Variants in LRBA observed in about 807,000 individuals in gnomAD.
LRBA encodes the protein LPS responsive beige-like anchor protein, also known as lipopolysaccharide-responsive and beige-like anchor protein.
A neutral mutation model predicts 330.0 loss-of-function variants in LRBA; 176 were observed. That is an observed-to-expected ratio of 0.53 (90% CI 0.47 to 0.60). The LOEUF is 0.60. Among genes scored for constraint, LRBA ranks in the 20% least tolerant of loss-of-function variants. The pLI is 0.00. For synonymous variants in LRBA, 1,230 were observed against 1,193.0 expected, an observed-to-expected ratio of 1.03 and a Z score of -0.64; for missense variants, 3,259 against 3,444.8, an observed-to-expected ratio of 0.95 and a Z score of 1.35.
intron 8 of LRBA, among the ~76,000 whole-genome samples, chr4:150,915,296 T>A (rs1732466897): frequency 6.6e-6 from 1 of 152,126 alleles, no homozygotes; most frequent in Non-Finnish European, 1.5e-5. Flanking sequence ...ATTTAACTCA[T>A]TCAGAAAAAT....
chr4:150,559,199 C>T (rs1481262060), intron 40 of LRBA, among the ~76,000 whole-genome samples: 1 of 152,044 alleles, frequency 6.6e-6, no homozygotes, highest in African/African-American at 2.4e-5. Context: ...ACAAAGATAG[C>T]CTGAAGAATT....
intron 35 of LRBA, among the ~76,000 whole-genome samples, chr4:150,740,221 T>G (rs537672321): frequency 7.4e-4 from 112 of 151,982 alleles, no homozygotes; most frequent in Middle Eastern, 6.8e-3. Flanking sequence ...TAGAGGGAAA[T>G]TGATACACTG....
At position 150,580,956 on chromosome 4, in the gene LRBA, C is replaced by A. The variant is rs1177765039; in HGVS notation, c.6330+7092G>T. ...ATAAAATCATTTTACAAATGAAACT[C>A]TGTACCTGTACCCCCTAAGAATACA... is the stretch of plus-strand genomic sequence containing the variant. On this transcript the variant is annotated intron_variant, in intron 40 of 56. Transcript: ENST00000651943. 2.0e-5 allele frequency: 3 copies of A among 152,668 alleles called. No individual in the cohort carries two copies. In the East Asian group the frequency reaches 5.8e-4, roughly 29 times the overall value. 9.5% of individuals were successfully genotyped at this position (152,668 alleles called of 1,614,324 possible).
intron 26 of LRBA, among the ~76,000 whole-genome samples, chr4:150,847,451 T>C (rs1749997948): frequency 1.3e-5 from 2 of 152,210 alleles, no homozygotes; most frequent in Non-Finnish European, 2.9e-5. Flanking sequence ...AATAGCATTT[T>C]GAGTAAAAAT....
chr4:150,708,891 T>C (rs1366865497), intron 36 of LRBA, among the ~76,000 whole-genome samples: 1 of 151,852 alleles, frequency 6.6e-6, no homozygotes, highest in Non-Finnish European at 1.5e-5. Context: ...AAATTCAAAT[T>C]GTTAATGAAT....
At chr4:150,615,689 A>G (rs769874447) in intron 37 of LRBA, among the ~76,000 whole-genome samples, 10 of 152,196 alleles carry the variant, frequency 6.6e-5, no homozygotes, top group Admixed American at 2.6e-4. Context: ...CAGGGTGCCT[A>G]TTAGAAATCT....
At chr4:150,928,758 A>G in intron 3 of LRBA, 76 bp downstream of exon 3, 1 of 1,382,974 alleles carries the variant, frequency 7.2e-7, no homozygotes, top group Non-Finnish European at 1.0e-6. Flanking sequence ...ATATTGCTAA[A>G]TGGAATAAGA....
At chr4:150,325,988 C>A in intron 48 of LRBA, 90 bp from the exon 49 acceptor site, 1 of 764,862 alleles carries the variant, frequency 1.3e-6, no homozygotes. Flanking sequence ...TCATTCCATA[C>A]TCTGGCTTGT....
chr4:150,279,756 G>C (rs889727344), intron 55 of LRBA, among the ~76,000 whole-genome samples: 21 of 152,312 alleles, frequency 1.4e-4, no homozygotes, highest in Middle Eastern at 6.8e-3. Context: ...CAGATATTAA[G>C]ATATTTTCAA....
chr4:150,598,588 C>T (rs2126507106), intron 38 of LRBA, among the ~76,000 whole-genome samples: 1 of 152,234 alleles, frequency 6.6e-6, no homozygotes, highest in South Asian at 2.1e-4. Context: ...TTCATGATCT[C>T]ATGCTAAAAT....
intron 37 of LRBA, among the ~76,000 whole-genome samples, chr4:150,619,912 T>C (rs946533984): frequency 1.3e-5 from 2 of 152,156 alleles, no homozygotes; most frequent in African/African-American, 2.4e-5. Flanking sequence ...CTGGAGTTCT[T>C]ACAGGAGCCT....
intron 2 of LRBA, among the ~76,000 whole-genome samples, chr4:150,981,674 T>A (rs887520085): frequency 4.0e-5 from 6 of 151,540 alleles, no homozygotes; most frequent in African/African-American, 1.5e-4. Context: ...AGAACACACA[T>A]TGGGGGCCGG....
rs375341597 is a variant in LRBA, at chr4:150,906,277, T to A, written c.1602+20A>T. ...GCCTGTAAATTAAGAATCAAAAACA[T>A]AAAATATTTCATACTTTACCTTTTC... On this transcript the variant is annotated intron_variant, in intron 12 of 56. Transcript: ENST00000651943. 1.5e-5 allele frequency: 22 copies of A among 1,442,558 alleles called. No individual in the cohort carries two copies. The African/African-American group carries it at 3.0e-4, about 19-fold the overall frequency. The allele number at this position is 1,442,558 out of a possible 1,614,324, so 89.4% of individuals were successfully genotyped here. A position where few individuals can be genotyped will look rare whatever the true frequency, so the allele number is the denominator to read the frequency against.
intron 47 of LRBA, among the ~76,000 whole-genome samples, chr4:150,401,991 G>A (rs1745535222): frequency 6.6e-6 from 1 of 151,996 alleles, no homozygotes; most frequent in Non-Finnish European, 1.5e-5. Context: ...GTGAACCTGA[G>A]AAAAGTGTAT....
intron 29 of LRBA, among the ~76,000 whole-genome samples, chr4:150,831,532 G>A (rs763692459): frequency 6.6e-6 from 1 of 152,088 alleles, no homozygotes; most frequent in Non-Finnish European, 1.5e-5. Flanking sequence ...ATATGAGTTA[G>A]TGATTCTTCA....
intron 26 of LRBA, among the ~76,000 whole-genome samples, chr4:150,846,733 TA>T (rs959627952): frequency 1.3e-5 from 2 of 151,882 alleles, no homozygotes; most frequent in Admixed American, 6.6e-5. Context: ...AAATACAATT[TA>T]AAAAAAAGAT....
intron 2 of LRBA, among the ~76,000 whole-genome samples, chr4:150,964,166 G>T (rs570240155): frequency 6.7e-6 from 1 of 148,762 alleles, no homozygotes; most frequent in South Asian, 2.1e-4. Flanking sequence ...CGTCTGGGAG[G>T]TGGGGGGCCC....
At chr4:150,752,278 ATC>A (rs1733664035) in intron 35 of LRBA, among the ~76,000 whole-genome samples, 1 of 152,046 alleles carries the variant, frequency 6.6e-6, no homozygotes. Context: ...TGCAACATCT[ATC>A]TCTCTCTGTC....
chr4:150,793,464 T>C (rs1458508286), intron 34 of LRBA, among the ~76,000 whole-genome samples: 1 of 152,170 alleles, frequency 6.6e-6, no homozygotes, highest in East Asian at 1.9e-4. Context: ...AGTATGGAGG[T>C]ATTTCCTAAT....
Sources: allele counts gnomAD v4.1 joint callset (sites outside exome capture counted in the v4.1 genomes callset), GRCh38; gene constraint gnomAD v4.1.1; transcripts MANE v1.5; gene names NCBI Gene and HGNC (gene_info 2026-07-23, HGNC 2026-07-21).